MED12L: variants seen among roughly 807,000 people sequenced by gnomAD.
The protein encoded by MED12L is mediator complex subunit 12L, also known as mediator of RNA polymerase II transcription subunit 12-like protein.
In MED12L, 60 loss-of-function variants were observed where a neutral mutation model predicts 281.3. The observed-to-expected ratio is 0.21, with a 90% CI of 0.17 to 0.26. The LOEUF (loss-of-function observed/expected upper bound fraction) is 0.26, where lower values mean the gene tolerates loss of function less well. Ranked by LOEUF, MED12L falls within the 10% of genes least tolerant of loss-of-function variation. The pLI is 1.00. For missense variants in MED12L, 2,146 were observed against 2,680.9 expected (o/e 0.80, Z 4.41); for synonymous variants, 974 against 987.2 (o/e 0.99, Z 0.25).
At chr3:151,370,486 C>T (rs1756037017) in intron 26 of MED12L, among the ~76,000 whole-genome samples, 1 of 152,110 alleles carries the variant, frequency 6.6e-6, no homozygotes, top group Non-Finnish European at 1.5e-5. Context: ...TAAAACTTCA[C>T]CTTAAGAAAG....
chr3:151,185,233 G>A (rs982188668), intron 11 of MED12L, 97 bp from the exon 12 acceptor site: 11 of 1,200,876 alleles, frequency 9.2e-6, no homozygotes, highest in Non-Finnish European at 1.3e-5. Flanking sequence ...ATGGAAAAAA[G>A]CTTTAAAGTG....
At chr3:151,277,284 G>A (rs778420964) in intron 16 of MED12L, among the ~76,000 whole-genome samples, 1 of 151,634 alleles carries the variant, frequency 6.6e-6, no homozygotes, top group Non-Finnish European at 1.5e-5. Flanking sequence ...GCACACAATT[G>A]TATGCATGTT....
At chr3:151,106,858 A>G (rs1023723589) in intron 2 of MED12L, among the ~76,000 whole-genome samples, 1 of 152,136 alleles carries the variant, frequency 6.6e-6, no homozygotes, top group Non-Finnish European at 1.5e-5. Flanking sequence ...TATTGTTTGC[A>G]TGGTATATGT....
intron 16 of MED12L, among the ~76,000 whole-genome samples, chr3:151,299,703 G>A (rs1745646279): frequency 6.6e-6 from 1 of 151,928 alleles, no homozygotes. Flanking sequence ...TTAGGTAGAT[G>A]TTATCTCTGG....
rs544948498 is a variant in MED12L, at chr3:151,372,773, T to C, written c.3864+7T>C. 36 of 1,608,806 alleles carry C rather than the reference T, an allele frequency of 2.2e-5. No homozygotes were observed. In the East Asian group the frequency reaches 6.9e-4, roughly 31 times the overall value. ...GAGGACTATCTGTCAACAGGTATTC[T>C]AATTTAATTTGCCTTTTACTTTGAG... On this transcript the variant is annotated splice_region_variant and intron_variant, in intron 27 of 44. Transcript: ENST00000687756.
intron 19 of MED12L, among the ~76,000 whole-genome samples, chr3:151,356,561 A>G (rs928170994): frequency 1.3e-5 from 2 of 152,164 alleles, no homozygotes; most frequent in African/African-American, 4.8e-5. Context: ...TCAATTAAAT[A>G]ATTATCATTG....
intron 16 of MED12L, among the ~76,000 whole-genome samples, chr3:151,205,738 C>A (rs774955109): frequency 2.0e-5 from 3 of 152,164 alleles, no homozygotes; most frequent in Admixed American, 6.5e-5. Flanking sequence ...TAGACCCTAG[C>A]GTCCCAGCTC....
chr3:151,221,240 C>T (rs1040885312), intron 16 of MED12L, among the ~76,000 whole-genome samples: 1 of 152,116 alleles, frequency 6.6e-6, no homozygotes, highest in African/African-American at 2.4e-5. Flanking sequence ...TAAAAGCATT[C>T]AGTTTTATAA....
At chr3:151,232,290 C>T (rs752933871) in intron 16 of MED12L, among the ~76,000 whole-genome samples, 2 of 152,174 alleles carry the variant, frequency 1.3e-5, no homozygotes, top group Non-Finnish European at 1.5e-5. Context: ...AATGGTTGAA[C>T]TCATTTACCC....
chr3:151,158,292 T>G (rs1363532960), intron 6 of MED12L, among the ~76,000 whole-genome samples: 2 of 152,162 alleles, frequency 1.3e-5, no homozygotes, highest in African/African-American at 2.4e-5. Flanking sequence ...TCTGATGGGA[T>G]TTTCACACTT....
chr3:151,392,735 A>T (rs935152971), intron 38 of MED12L, among the ~76,000 whole-genome samples: 1 of 152,156 alleles, frequency 6.6e-6, no homozygotes, highest in Non-Finnish European at 1.5e-5. Flanking sequence ...GGAAATGCAT[A>T]GGATAGTAAA....
intron 2 of MED12L, among the ~76,000 whole-genome samples, chr3:151,115,327 C>CTTTTTTTT (rs66728754): frequency 8.2e-5 from 5 of 60,804 alleles, no homozygotes; most frequent in African/African-American, 2.4e-4. Context: ...GGAAACAATT[C>CTTTTTTTT]TTTTTTTTTT....
chr3:151,287,378 G>A (rs1366628579), intron 16 of MED12L, among the ~76,000 whole-genome samples: 1 of 152,204 alleles, frequency 6.6e-6, no homozygotes, highest in African/African-American at 2.4e-5. Flanking sequence ...GCCAGGCAGG[G>A]CAGAGACCTG....
chr3:151,257,342 G>T (rs1738005406), intron 16 of MED12L, among the ~76,000 whole-genome samples: 1 of 152,194 alleles, frequency 6.6e-6, no homozygotes, highest in Non-Finnish European at 1.5e-5. Context: ...TTGACCTGTA[G>T]TCCTGTTTTT....
chr3:151,203,919 T>C (rs1726009582), intron 16 of MED12L, among the ~76,000 whole-genome samples: 1 of 152,222 alleles, frequency 6.6e-6, no homozygotes, highest in East Asian at 1.9e-4. Context: ...TCTGTTTGAC[T>C]CAAACAGCCT....
At chr3:151,107,502 A>G (rs1454191853) in intron 2 of MED12L, among the ~76,000 whole-genome samples, 1 of 152,192 alleles carries the variant, frequency 6.6e-6, no homozygotes, top group Non-Finnish European at 1.5e-5. Flanking sequence ...TTATTTGTTA[A>G]TCGAATGAAG....
rs189523190 is a variant in MED12L at position 151,339,402 on chromosome 3, G to T, written c.2251-10657G>T. Among the ~76,000 whole-genome samples the T allele has an allele frequency of 2.0e-3, 296 of 145,572 alleles. 4 individuals carry two copies. The highest frequency in any genetic ancestry group is 6.0e-4 in the East Asian group (3 of 5,002). The stretch of plus-strand genomic sequence containing the variant: ...GAAATTGATGGAAAATTACTCTTGG[G>T]AAACTTATTAAATAAAATACTGAAT... On this transcript the variant is annotated intron_variant, in intron 16 of 44. Coordinates refer to ENST00000687756, the MANE Select transcript of MED12L (RefSeq NM_001393769.1).
At chr3:151,193,238 G>C (rs181443593) in intron 15 of MED12L, among the ~76,000 whole-genome samples, 93 of 152,296 alleles carry the variant, frequency 6.1e-4, no homozygotes, top group African/African-American at 2.1e-3. Flanking sequence ...TTTCCAGGTA[G>C]TGTAGACACA....
chr3:151,331,343 G>C (rs1310594156), intron 16 of MED12L, among the ~76,000 whole-genome samples: 9 of 152,208 alleles, frequency 5.9e-5, no homozygotes, highest in Non-Finnish European at 1.5e-5. Flanking sequence ...TTAGGCGCCA[G>C]AGTGCCTGGG....
Sources: allele counts gnomAD v4.1 joint callset (sites outside exome capture counted in the v4.1 genomes callset), GRCh38; gene constraint gnomAD v4.1.1; transcripts MANE v1.5; gene names NCBI Gene and HGNC (gene_info 2026-07-23, HGNC 2026-07-21).